HSPBP1: variants seen among roughly 807,000 people sequenced by gnomAD.
HSPBP1 encodes HSPA (Hsp70) binding protein 1.
Under a neutral mutation model 41.7 loss-of-function variants are expected in HSPBP1, and 31 were observed. The ratio of observed to expected loss-of-function variants is 0.74; its 90% confidence interval spans 0.56 to 1.00. HSPBP1 has a LOEUF of 1.00. Among genes scored for constraint, HSPBP1 ranks in the 50% least tolerant of loss-of-function variants. The pLI is 0.00. For missense variants in HSPBP1, 439 were observed against 487.9 expected (o/e 0.90, Z 0.94); for synonymous variants, 199 against 214.4 (o/e 0.93, Z 0.63).
rs1308814289 is a variant in HSPBP1, at chr19:55,262,402, G to A, written c.*206C>T. On this transcript the variant is annotated 3_prime_UTR_variant, in exon 8 of 8. Coordinates refer to ENST00000433386, the MANE Select transcript of HSPBP1 (RefSeq NM_012267.5). ...AAGAGCTGTGTGGACAAGAGAACGG[G>A]GATGAGAGTGAGAGCATGGGAGGTG... is the stretch of plus-strand genomic sequence containing the variant. The A allele has an allele frequency of 1.4e-6, 2 of 1,397,790 alleles. No homozygotes were observed. The highest frequency in any genetic ancestry group is 2.9e-5 in the African/African-American group (2 of 69,002). The allele number at this position is 1,397,790 out of a possible 1,614,324, so 86.6% of individuals were successfully genotyped here.
At position 55,270,786 on chromosome 19, in the gene HSPBP1, C is replaced by T. The variant is rs965758722; in HGVS notation, c.640+3612G>A. Among the ~76,000 whole-genome samples, 5 of 151,152 alleles carry T rather than the reference C, an allele frequency of 3.3e-5. No individual in the cohort carries two copies. Among genetic ancestry groups the T allele is most frequent in the South Asian group, 2.1e-4 (1 of 4,794 alleles). On this transcript the variant is annotated intron_variant, in intron 4 of 7. Transcript: ENST00000433386. This position sits in a 1 kb window ranked among gnomAD's most constrained non-coding sequence, Gnocchi z 5.4. ...CATGCACATCCACACACCACACATA[C>T]GCACCACACATACACACCTCATATG... is the stretch of plus-strand genomic sequence containing the variant.
intron 4 of HSPBP1, among the ~76,000 whole-genome samples, chr19:55,267,865 A>G (rs933686693): frequency 6.6e-6 from 1 of 152,232 alleles, no homozygotes; most frequent in Non-Finnish European, 1.5e-5. Context: ...CACAGCATGC[A>G]TGACCTTTAT....
chr19:55,277,863 G>A lies in HSPBP1; in HGVS notation c.211-17C>T, dbSNP rs1465897117. ...CTGACGCCTCTGGAGACCAAGGCGA[G>A]GAGGAAAGAAGGAGATCCATCAGTC... is the stretch of plus-strand genomic sequence containing the variant. On this transcript the variant is annotated splice_polypyrimidine_tract_variant and intron_variant, in intron 2 of 7. Coordinates refer to ENST00000433386, the MANE Select transcript of HSPBP1 (RefSeq NM_012267.5). 1 of 1,517,076 alleles carries A rather than the reference G, an allele frequency of 6.6e-7. No individual in the cohort carries two copies. Among genetic ancestry groups the A allele is most frequent in the Non-Finnish European group, 8.8e-7 (1 of 1,133,936 alleles). 94.0% of individuals were successfully genotyped at this position (1,517,076 alleles called of 1,614,324 possible). A position where few individuals can be genotyped will look rare whatever the true frequency, so the allele number is the denominator to read the frequency against.
At chr19:55,271,270 G>A (rs2087917791) in intron 4 of HSPBP1, among the ~76,000 whole-genome samples, 1 of 151,756 alleles carries the variant, frequency 6.6e-6, no homozygotes, top group Non-Finnish European at 1.5e-5. Flanking sequence ...GAGTGCAGTG[G>A]CACGATCTCA....
rs181335004 is a variant in HSPBP1 at position 55,262,626 on chromosome 19, G to C, written c.1062C>G (p.Asp354Glu). 46 of 1,613,842 alleles carry C rather than the reference G, an allele frequency of 2.9e-5. No homozygotes were observed. In the East Asian group the frequency reaches 9.8e-4, roughly 34 times the overall value. Residue 354 changes from aspartate to glutamate, a missense_variant, in exon 8 of 8, where the codon GAC becomes GAG. Physicochemically the swap from Asp to Glu is conservative, Grantham distance 45 (BLOSUM62 2). Coordinates refer to ENST00000433386, the MANE Select transcript of HSPBP1 (RefSeq NM_012267.5). ...LLQTCFSSPA[D>E]DSMDR ...CCTGGTTTCACCGATCCATGCTGTC[G>C]TCCGCTGGGCTGGAGAAACAGGTCT...
intron 4 of HSPBP1, among the ~76,000 whole-genome samples, chr19:55,266,802 A>G (rs2087801928): frequency 1.3e-5 from 2 of 152,272 alleles, no homozygotes; most frequent in Admixed American, 1.3e-4. Flanking sequence ...TATAACCATC[A>G]CCACTAACTC....
Position 55,266,213 on chromosome 19 carries a change from G to T in HSPBP1, c.714C>A (p.Ala238=). The change falls in exon 5 of 8, where the codon GCC becomes GCA. Residue 238 remains alanine, a synonymous_variant. Coordinates refer to ENST00000433386, the MANE Select transcript of HSPBP1 (RefSeq NM_012267.5). Reference sequence around the variant, plus strand: ...TGAGCTTCTGCACCTGCTGCTGCATGGCCCTCATCAACACAGAGAAGCCGT... The same window carrying T: ...TGAGCTTCTGCACCTGCTGCTGCATTGCCCTCATCAACACAGAGAAGCCGT... The part of the protein sequence containing the change: ...RLDGFSVLMR[A]MQQQVQKLKV... 1 of 1,584,564 alleles carries T rather than the reference G, an allele frequency of 6.3e-7. No homozygotes were observed. Among genetic ancestry groups the T allele is most frequent in the South Asian group, 1.2e-5 (1 of 86,926 alleles).
Position 55,277,638 on chromosome 19 carries a change from G to A in HSPBP1, c.415+4C>T. ...AGAACGTCCTGGCGGGGGAAGCGGG[G>A]TACCTGCGGCATTGTCCATGTTCTC... On this transcript the variant is annotated splice_donor_region_variant and intron_variant, in intron 3 of 7. Coordinates refer to ENST00000433386, the MANE Select transcript of HSPBP1 (RefSeq NM_012267.5). 6.2e-7 allele frequency: 1 copy of A among 1,602,746 alleles called. No individual in the cohort carries two copies. The highest frequency in any genetic ancestry group is 1.1e-5 in the South Asian group (1 of 89,412).
At chr19:55,267,086 T>A (rs2087807390) in intron 4 of HSPBP1, among the ~76,000 whole-genome samples, 1 of 152,220 alleles carries the variant, frequency 6.6e-6, no homozygotes, top group Non-Finnish European at 1.5e-5. Flanking sequence ...GGATATACCA[T>A]ATTTTATCCA....
intron 2 of HSPBP1, 92 bp from the exon 3 acceptor site, chr19:55,277,938 CTG>C: frequency 9.6e-7 from 1 of 1,044,246 alleles, no homozygotes; most frequent in Non-Finnish European, 1.3e-6. Flanking sequence ...CAACTGAGGG[CTG>C]ATGTTCCTTC....
chr19:55,262,815 CT>C (rs1568957185), intron 7 of HSPBP1, 133 bp from the exon 8 acceptor site: 1 of 731,400 alleles, frequency 1.4e-6, no homozygotes, highest in Non-Finnish European at 2.3e-6. Context: ...AGAGGTTAGG[CT>C]TTTTTAATCA....
intron 1 of HSPBP1, 30 bp from the exon 2 acceptor site, chr19:55,279,732 T>C (rs1351332652): frequency 6.5e-7 from 1 of 1,534,718 alleles, no homozygotes; most frequent in Non-Finnish European, 8.7e-7. Flanking sequence ...TCAGGGGAGC[T>C]CGGCGACCCC....
At chr19:55,262,778 C>T (rs2087680072) in intron 7 of HSPBP1, 96 bp from the exon 8 acceptor site, 1 of 1,119,002 alleles carries the variant, frequency 8.9e-7, no homozygotes, top group Non-Finnish European at 1.3e-6. Context: ...CCTCTTCTCT[C>T]CTGGCCACCA....
chr19:55,269,486 AG>A (rs2122836055), intron 4 of HSPBP1, among the ~76,000 whole-genome samples: 1 of 152,288 alleles, frequency 6.6e-6, no homozygotes, highest in Non-Finnish European at 1.5e-5. Flanking sequence ...TTGGAAAGAA[AG>A]CCAAAGTCAT....
chr19:55,279,569 C>T lies in HSPBP1; in HGVS notation c.40G>A (p.Ala14Thr). 1 of 1,604,710 alleles carries T rather than the reference C, an allele frequency of 6.2e-7. No individual in the cohort carries two copies. Among genetic ancestry groups the T allele is most frequent in the South Asian group, 1.1e-5 (1 of 90,670 alleles). Residue 14 changes from alanine to threonine, a missense_variant, in exon 2 of 8, where the codon GCG (alanine) becomes ACG (threonine). Physicochemically the swap from Ala to Thr is moderately conservative, Grantham distance 58. Transcript: ENST00000433386. Reference protein sequence around the residue: ...EGSRGSRLPLALPPASQGCSS... With the variant: ...EGSRGSRLPLTLPPASQGCSS... ...CAACCCTGGGAGGCCGGGGGCAGCGCCAGGGGCAGGCGGCTCCCCCTTGAG... is the reference window on the plus strand; with the variant it reads ...CAACCCTGGGAGGCCGGGGGCAGCGTCAGGGGCAGGCGGCTCCCCCTTGAG...
intron 1 of HSPBP1, 100 bp from the exon 2 acceptor site, chr19:55,279,802 C>T (rs2122898965): frequency 1.5e-6 from 2 of 1,352,126 alleles, no homozygotes; most frequent in East Asian, 5.0e-5. Context: ...TTCCTTCCTT[C>T]ATACCCACAG....
At chr19:55,265,228 C>A in intron 7 of HSPBP1, 50 bp downstream of exon 7, 1 of 1,209,842 alleles carries the variant, frequency 8.3e-7, no homozygotes, top group Non-Finnish European at 1.2e-6. Flanking sequence ...GCCCTTGTCC[C>A]CTCCCCCTTG....
rs750649145 is a variant in HSPBP1, at chr19:55,270,690, C to T, written c.640+3708G>A. ...TGTCTGTGTGCACACATACCACACA[C>T]GACACACTCCACATAAGCACACACC... On this transcript the variant is annotated intron_variant, in intron 4 of 7. Coordinates refer to ENST00000433386, the MANE Select transcript of HSPBP1 (RefSeq NM_012267.5). This position sits in a 1 kb window ranked among gnomAD's most constrained non-coding sequence, Gnocchi z 5.4. Among the ~76,000 whole-genome samples the T allele has an allele frequency of 1.1e-4, 16 of 152,106 alleles. No homozygotes were observed. The highest frequency in any genetic ancestry group is 3.4e-4 in the African/African-American group (14 of 41,466).
rs2088018399 is a variant in HSPBP1 at position 55,274,540 on chromosome 19, T to G, written c.498A>C (p.Ala166=). 4 of 1,608,672 alleles carry G rather than the reference T, an allele frequency of 2.5e-6. No individual in the cohort carries two copies. Among genetic ancestry groups the G allele is most frequent in the South Asian group, 1.1e-5 (1 of 90,866 alleles). The change falls in exon 4 of 8, where the codon GCA becomes GCC. Residue 166 remains alanine, a synonymous_variant. Transcript: ENST00000433386. ...TCTGACTGCACGTGCCGATGAGCTG[T>G]GCCGCCCGCCACCGCAGTCCCGCAG... ...AGAAGLRWRA[A]QLIGTCSQNV...
Sources: gnomAD v4.1 joint callset for allele counts (sites outside exome capture counted in the v4.1 genomes callset) on GRCh38, gnomAD v4.1.1 for gene constraint, Gnocchi (gnomAD v3.1) non-coding constraint, MANE v1.5 for transcripts, NCBI Gene and HGNC (gene_info 2026-07-23, HGNC 2026-07-21) for gene names.